HTR2C: variants seen among roughly 807,000 people sequenced by gnomAD.
HTR2C encodes 5-hydroxytryptamine (serotonin) receptor 2C, G protein-coupled.
Under a neutral mutation model 21.0 loss-of-function variants are expected in HTR2C, and 5 were observed. The observed-to-expected ratio is 0.24, with a 90% confidence interval of 0.12 to 0.50. HTR2C has a LOEUF of 0.50. Among genes scored for constraint, HTR2C ranks in the 20% least tolerant of loss-of-function variants. The pLI, the probability that HTR2C is intolerant of heterozygous loss-of-function variation, is 0.98. For missense variants in HTR2C, 271 were observed against 371.2 expected, an observed-to-expected ratio of 0.73 and a Z score of 2.22; for synonymous variants, 150 against 145.3, an observed-to-expected ratio of 1.03 and a Z score of -0.23.
At chrX:114,758,126 A>G (rs1241883590) in intron 4 of HTR2C, among the ~76,000 whole-genome samples, 1 of 112,176 alleles carries the variant, frequency 8.9e-6, no homozygotes, top group Non-Finnish European at 1.9e-5. Flanking sequence ...AAATCAATGT[A>G]CAAATTGAAT....
At chrX:114,632,226 G>A (rs1929657870) in intron 2 of HTR2C, among the ~76,000 whole-genome samples, 2 of 111,799 alleles carry the variant, frequency 1.8e-5, no homozygotes, top group South Asian at 7.4e-4. Context: ...CCAGGATAAG[G>A]TAAGTAAAAA....
intron 4 of HTR2C, among the ~76,000 whole-genome samples, chrX:114,746,199 GA>G (rs1301555138): frequency 1.8e-5 from 2 of 110,863 alleles, no homozygotes; most frequent in East Asian, 5.7e-4. Flanking sequence ...ATTTCGGGAA[GA>G]AAAAAATAAG....
chrX:114,802,597 T>C (rs1401154507), intron 4 of HTR2C, among the ~76,000 whole-genome samples: 3 of 110,646 alleles, frequency 2.7e-5, no homozygotes, highest in Non-Finnish European at 3.8e-5. Flanking sequence ...CCCATGATGA[T>C]AATTAAGACT....
rs73638462 is a variant in HTR2C at position 114,711,751 on chromosome X, A to G, written c.-79-15107A>G. The stretch of plus-strand genomic sequence containing the variant: ...AAATAGCTTAACCTCTTTGAACTTC[A>G]CTATTTCTTTTTCTGTAATATGCAT... On this transcript the variant is annotated intron_variant, in intron 2 of 5. Coordinates refer to ENST00000276198, the MANE Select transcript of HTR2C (RefSeq NM_000868.4). 7.7e-3 allele frequency among the ~76,000 whole-genome samples: 862 copies of G among 111,890 alleles called. 14 individuals carry two copies. The highest frequency in any genetic ancestry group is 0.026 in the African/African-American group (808 of 30,927).
At chrX:114,884,734 A>C (rs1458649789) in intron 5 of HTR2C, among the ~76,000 whole-genome samples, 1 of 111,661 alleles carries the variant, frequency 9.0e-6, no homozygotes, top group Non-Finnish European at 1.9e-5. Flanking sequence ...CTACTATGGA[A>C]ACCAGTATGA....
chrX:114,605,534 G>A (rs185531861), intron 1 of HTR2C, among the ~76,000 whole-genome samples: 3,565 of 111,094 alleles, frequency 0.032, 152 homozygotes, highest in African/African-American at 0.11. Flanking sequence ...ATGCCTGGAC[G>A]TCAGGCACCT....
intron 4 of HTR2C, among the ~76,000 whole-genome samples, chrX:114,750,868 C>G (rs781993311): frequency 1.8e-5 from 2 of 111,680 alleles, no homozygotes; most frequent in Non-Finnish European, 3.8e-5. Flanking sequence ...AAAACACCAA[C>G]GTGTCCAGTT....
intron 1 of HTR2C, among the ~76,000 whole-genome samples, chrX:114,585,988 T>C (rs1266134173): frequency 1.8e-5 from 2 of 111,185 alleles, no homozygotes; most frequent in African/African-American, 6.6e-5. Context: ...AATTGCGACC[T>C]CACATACACG....
intron 1 of HTR2C, among the ~76,000 whole-genome samples, chrX:114,598,101 A>G (rs1556393139): frequency 8.9e-6 from 1 of 111,954 alleles, no homozygotes; most frequent in African/African-American, 3.2e-5. Context: ...TATGAGCTCT[A>G]CACAAAGGAT....
At chrX:114,684,960 A>C (rs1324861944) in intron 2 of HTR2C, among the ~76,000 whole-genome samples, 1 of 111,492 alleles carries the variant, frequency 9.0e-6, no homozygotes, top group Non-Finnish European at 1.9e-5. Flanking sequence ...ATACATCAAT[A>C]GATCAAAAGG....
intron 2 of HTR2C, among the ~76,000 whole-genome samples, chrX:114,722,126 G>A (rs1266560101): frequency 7.3e-5 from 8 of 110,267 alleles, no homozygotes; most frequent in African/African-American, 2.3e-4. Context: ...CCATTTTCAC[G>A]ATATTGATTC....
At chrX:114,692,310 A>G (rs993906535) in intron 2 of HTR2C, among the ~76,000 whole-genome samples, 3 of 112,028 alleles carry the variant, frequency 2.7e-5, no homozygotes, top group Non-Finnish European at 5.7e-5. Flanking sequence ...TTTATTGCCT[A>G]ATATAAGACA....
chrX:114,598,201 A>C (rs1927942093), intron 1 of HTR2C, among the ~76,000 whole-genome samples: 1 of 111,773 alleles, frequency 8.9e-6, no homozygotes, highest in South Asian at 3.7e-4. Context: ...ATATTGATAC[A>C]AAAACCTCTT....
At chrX:114,810,999 C>A (rs1157933476) in intron 4 of HTR2C, among the ~76,000 whole-genome samples, 1 of 111,347 alleles carries the variant, frequency 9.0e-6, no homozygotes, top group African/African-American at 3.3e-5. Flanking sequence ...TAAATGTACA[C>A]CAATAAAATG....
At position 114,725,877 on chromosome X, in the gene HTR2C, G is replaced by T. The variant is rs782322021; in HGVS notation, c.-79-981G>T. Among the ~76,000 whole-genome samples the T allele has an allele frequency of 1.1e-3, 124 of 109,323 alleles. 1 individual carries two copies. Among genetic ancestry groups the T allele is most frequent in the African/African-American group, 3.8e-3 (116 of 30,341 alleles). 94.9% of individuals were successfully genotyped at this position (109,323 alleles called of 115,157 possible). ...TGAGGAGGCAGTCTGCCCGTTCTCA[G>T]ATCTCCAGCTGCATGCTGGGAGAAC... On this transcript the variant is annotated intron_variant, in intron 2 of 5. Coordinates refer to ENST00000276198, the MANE Select transcript of HTR2C (RefSeq NM_000868.4).
At chrX:114,699,838 A>C (rs1022277598) in intron 2 of HTR2C, among the ~76,000 whole-genome samples, 1 of 112,405 alleles carries the variant, frequency 8.9e-6, no homozygotes, top group Non-Finnish European at 1.9e-5. Context: ...GCTGCTAGGC[A>C]ATGTGTTCTT....
chrX:114,793,505 C>G (rs1556444240), intron 4 of HTR2C, among the ~76,000 whole-genome samples: 2 of 109,492 alleles, frequency 1.8e-5, no homozygotes, highest in African/African-American at 6.9e-5. Flanking sequence ...GTTTTCAAAT[C>G]AAATAGTCCT....
intron 2 of HTR2C, among the ~76,000 whole-genome samples, chrX:114,726,280 A>C (rs1332891057): frequency 5.3e-5 from 6 of 112,481 alleles, no homozygotes; most frequent in Non-Finnish European, 1.1e-4. Context: ...CCGATTTTCC[A>C]GGTGCCGTCT....
intron 5 of HTR2C, among the ~76,000 whole-genome samples, chrX:114,868,018 T>C (rs1467446540): frequency 9.8e-6 from 1 of 101,688 alleles, no homozygotes; most frequent in East Asian, 2.9e-4. Flanking sequence ...AATTTTAGAA[T>C]TTTTTTTTTC....
Sources: gnomAD v4.1 joint callset for allele counts (sites outside exome capture counted in the v4.1 genomes callset) on GRCh38, gnomAD v4.1.1 for gene constraint, MANE v1.5 for transcripts, NCBI Gene and HGNC (gene_info 2026-07-23, HGNC 2026-07-21) for gene names.